POTEE: variants seen among roughly 807,000 people sequenced by gnomAD.
POTEE encodes POTE ankyrin domain family member E.
In POTEE, 21 loss-of-function variants were observed where a neutral mutation model predicts 74.2. The ratio of observed to expected loss-of-function variants is 0.28; its 90% confidence interval spans 0.20 to 0.41. The LOEUF is 0.41. POTEE is among the 10% of genes least tolerant of loss of function. The pLI, the probability that POTEE is intolerant of heterozygous loss-of-function variation, is 1.00. For synonymous variants in POTEE, 211 were observed against 432.8 expected (o/e 0.49, Z 6.36); for missense variants, 525 against 1,158.6 (o/e 0.45, Z 7.94).
intron 8 of POTEE, among the ~76,000 whole-genome samples, chr2:131,229,086 G>A (rs965123221): frequency 1.3e-5 from 2 of 150,954 alleles, no homozygotes; most frequent in East Asian, 1.9e-4. Context: ...GACTTTATCC[G>A]CACACAAAGT....
At chr2:131,211,540 G>GTGTGTGT (rs70994742) in intron 2 of POTEE, among the ~76,000 whole-genome samples, 13 of 65,426 alleles carry the variant, frequency 2.0e-4, no homozygotes, top group Non-Finnish European at 2.5e-4. Flanking sequence ...GTGTGTGTGT[G>GTGTGTGT]GCTTTTTTTT....
At chr2:131,233,141 A>G (rs1701015934) in intron 9 of POTEE, among the ~76,000 whole-genome samples, 1 of 152,088 alleles carries the variant, frequency 6.6e-6, no homozygotes, top group Admixed American at 6.5e-5. Context: ...CATTGGAGAA[A>G]TTTGAGCAGG....
intron 6 of POTEE, among the ~76,000 whole-genome samples, chr2:131,224,798 G>A (rs1376611109): frequency 6.6e-6 from 1 of 151,632 alleles, no homozygotes; most frequent in Non-Finnish European, 1.5e-5. Flanking sequence ...AGGTGGTAAT[G>A]TAAGAGGAAA....
chr2:131,225,481 T>C (rs1700753416), intron 6 of POTEE, among the ~76,000 whole-genome samples: 1 of 148,038 alleles, frequency 6.8e-6, no homozygotes, highest in African/African-American at 2.5e-5. Flanking sequence ...TAAATTCTTA[T>C]GTCTCAGAAA....
intron 4 of POTEE, among the ~76,000 whole-genome samples, chr2:131,223,384 G>C (rs960196773): frequency 2.0e-5 from 3 of 149,372 alleles, no homozygotes; most frequent in Admixed American, 1.3e-4. Flanking sequence ...TCATCCAAGG[G>C]CTATGCTCTT....
intron 2 of POTEE, among the ~76,000 whole-genome samples, chr2:131,216,595 T>G (rs1455586563): frequency 2.0e-5 from 3 of 151,398 alleles, no homozygotes; most frequent in African/African-American, 7.4e-5. Context: ...AAAAATAAAT[T>G]AAAACAAATG....
At chr2:131,223,306 C>T (rs1700680867) in intron 4 of POTEE, among the ~76,000 whole-genome samples, 1 of 142,206 alleles carries the variant, frequency 7.0e-6, no homozygotes, top group Non-Finnish European at 1.5e-5. Flanking sequence ...GAAACTGAGA[C>T]CCCAAAAGGC....
At chr2:131,230,623 C>G (rs1234928603) in intron 8 of POTEE, among the ~76,000 whole-genome samples, 1 of 152,106 alleles carries the variant, frequency 6.6e-6, no homozygotes, top group African/African-American at 2.4e-5. Context: ...ACAGTGCCCT[C>G]GATTTATGAC....
intron 9 of POTEE, among the ~76,000 whole-genome samples, chr2:131,235,962 A>T (rs1701120035): frequency 6.6e-6 from 1 of 152,072 alleles, no homozygotes; most frequent in African/African-American, 2.4e-5. Flanking sequence ...GGCAGGAGAG[A>T]CCAAGTGGGT....
At chr2:131,243,419 T>C (rs1164482841) in intron 12 of POTEE, among the ~76,000 whole-genome samples, 2 of 146,392 alleles carry the variant, frequency 1.4e-5, no homozygotes, top group Admixed American at 6.8e-5. Flanking sequence ...TCTGTTGTTA[T>C]TGTGTGTTTT....
At position 131,218,793 on chromosome 2, in the gene POTEE, C is replaced by T. The variant is rs375880975; in HGVS notation, c.391C>T (p.Pro131Ser). 12 of 1,612,620 alleles carry T rather than the reference C, an allele frequency of 7.4e-6. No individual in the cohort carries two copies. The highest frequency in any genetic ancestry group is 1.3e-5 in the African/African-American group (1 of 74,884). Residue 131 changes from proline to serine, a missense_variant, in exon 4 of 18, where the codon CCC becomes TCC. Coordinates refer to ENST00000683005, the MANE Select transcript of POTEE (RefSeq NM_001083538.3). The part of the protein sequence containing the change: ...GDYDDSAFME[P>S]RYHVRGEDLD... The stretch of plus-strand genomic sequence containing the variant: ...CTACGATGACAGCGCCTTCATGGAG[C>T]CCAGGTACCACGTCCGTGGAGAAGA...
rs571960929 is a variant in POTEE at position 131,213,502 on chromosome 2, T to G, written c.-189+2319T>G. On this transcript the variant is annotated intron_variant, in intron 2 of 17. Coordinates refer to ENST00000683005, the MANE Select transcript of POTEE (RefSeq NM_001083538.3). ...TTATGAGCATGTAATATACCATTGA[T>G]ACATGGAAGAATATGTATAAATACC... is the stretch of plus-strand genomic sequence containing the variant. Among the ~76,000 whole-genome samples the G allele has an allele frequency of 1.9e-4, 29 of 152,286 alleles. 3 individuals are homozygous for G. The South Asian group carries it at 6.0e-3, about 32-fold the overall frequency.
intron 6 of POTEE, among the ~76,000 whole-genome samples, chr2:131,225,925 T>C (rs572494714): frequency 9.2e-5 from 14 of 152,286 alleles, no homozygotes; most frequent in Non-Finnish European, 1.6e-4. Flanking sequence ...CCATCAGTTA[T>C]TCACTGCTGT....
In POTEE at chr2:131,218,767, A is replaced by C; in HGVS notation, c.365A>C (p.Asp122Ala). The change falls in exon 4 of 18, where the codon GAC becomes GCC. Residue 122 changes from aspartate (D) to alanine (A), a missense_variant. Physicochemically the swap from Asp to Ala is moderately radical, Grantham distance 126. Transcript: ENST00000683005. ...SGKSKVGAWG[D>A]YDDSAFMEPR... ...AAGAGCAAGGTGGGCGCTTGGGGAG[A>C]CTACGATGACAGCGCCTTCATGGAG... is the stretch of plus-strand genomic sequence containing the variant. 2 of 1,612,758 alleles carry C rather than the reference A, an allele frequency of 1.2e-6. No individual in the cohort carries two copies. Among genetic ancestry groups the C allele is most frequent in the South Asian group, 1.1e-5 (1 of 91,012 alleles).
chr2:131,216,263 C>G (rs1559165378), intron 2 of POTEE, among the ~76,000 whole-genome samples: 1 of 152,014 alleles, frequency 6.6e-6, no homozygotes, highest in African/African-American at 2.4e-5. Context: ...CAATGCTACT[C>G]AAAGCATTCT....
At chr2:131,225,132 G>C (rs1700740848) in intron 6 of POTEE, among the ~76,000 whole-genome samples, 2 of 152,172 alleles carry the variant, frequency 1.3e-5, no homozygotes, top group African/African-American at 2.4e-5. Flanking sequence ...CTAGCTTTCA[G>C]CTAGAATTGT....
chr2:131,219,288 C>T (rs1700542221), intron 4 of POTEE, among the ~76,000 whole-genome samples: 1 of 151,604 alleles, frequency 6.6e-6, no homozygotes, highest in African/African-American at 2.4e-5. Flanking sequence ...CCCCATAACA[C>T]ATCAACTTCA....
intron 4 of POTEE, among the ~76,000 whole-genome samples, chr2:131,221,510 A>G (rs1700616627): frequency 6.6e-6 from 1 of 152,082 alleles, no homozygotes; most frequent in South Asian, 2.1e-4. Flanking sequence ...AGTTTTAGTT[A>G]AAGTTCATTA....
chr2:131,227,429 G>A (rs1203353887), intron 7 of POTEE, among the ~76,000 whole-genome samples: 3 of 143,302 alleles, frequency 2.1e-5, no homozygotes, highest in Admixed American at 2.1e-4. Flanking sequence ...ACAATTAATT[G>A]CTGTTCCCAC....
Sources: gnomAD v4.1 joint callset for allele counts (sites outside exome capture counted in the v4.1 genomes callset) on GRCh38, gnomAD v4.1.1 for gene constraint, MANE v1.5 for transcripts, NCBI Gene and HGNC (gene_info 2026-07-23, HGNC 2026-07-21) for gene names.